RBKS: variants seen among roughly 807,000 people sequenced by gnomAD.
RBKS encodes the protein ribokinase.
In RBKS, 33 loss-of-function variants were observed where a neutral mutation model predicts 33.9. The observed-to-expected ratio is 0.97, with a 90% CI of 0.74 to 1.30. The LOEUF (loss-of-function observed/expected upper bound fraction) is 1.30, where lower values mean the gene tolerates loss of function less well. RBKS is among the 50% of genes most tolerant of loss of function. The pLI is 0.00. For missense variants in RBKS, 361 were observed against 392.6 expected (o/e 0.92, Z 0.68); for synonymous variants, 125 against 143.0 (o/e 0.87, Z 0.90).
In RBKS at chr2:27,781,486, T is replaced by C; in HGVS notation, c.*129A>G. 1.5e-6 allele frequency: 1 copy of C among 685,314 alleles called. No homozygotes were observed. The highest frequency in any genetic ancestry group is 2.4e-6 in the Non-Finnish European group (1 of 420,816). 42.5% of individuals were successfully genotyped at this position (685,314 alleles called of 1,614,324 possible). A position where few individuals can be genotyped will look rare whatever the true frequency, so the allele number is the denominator to read the frequency against. ...TTATAAATAAATTGAAGCTTGAGGA[T>C]GACTTCGTAAAAGAACTAATATTTG... On this transcript the variant is annotated 3_prime_UTR_variant, in exon 8 of 8. Transcript: ENST00000302188.
At chr2:27,789,941 G>GTGTA (rs1558533050) in intron 7 of RBKS, among the ~76,000 whole-genome samples, 4 of 96,518 alleles carry the variant, frequency 4.1e-5, no homozygotes, top group African/African-American at 1.2e-4. Flanking sequence ...ATATATATAT[G>GTGTA]TATATGTGTA....
Position 27,781,905 on chromosome 2 carries a change from C to A in RBKS, c.796-117G>T, listed in dbSNP as rs1255910424. The A allele has an allele frequency of 4.4e-6, 4 of 918,934 alleles. No homozygotes were observed. In the Admixed American group the frequency reaches 1.2e-4, roughly 28 times the overall value. 56.9% of individuals were successfully genotyped at this position (918,934 alleles called of 1,614,324 possible). ...TAGTTTTAGATTTACAGAAAAGGTA[C>A]AAGGATAATACAGAGTTTCCACGTA... On this transcript the variant is annotated intron_variant, in intron 7 of 7. Transcript: ENST00000302188.
chr2:27,818,508 C>T (rs1031743197), intron 7 of RBKS, among the ~76,000 whole-genome samples: 3 of 152,194 alleles, frequency 2.0e-5, no homozygotes, highest in Non-Finnish European at 4.4e-5. Flanking sequence ...GACCGACCAA[C>T]TTAAAAATCA....
intron 7 of RBKS, among the ~76,000 whole-genome samples, chr2:27,801,962 AAATATATATAT>A (rs1354201845): frequency 8.2e-5 from 5 of 61,148 alleles, no homozygotes; most frequent in African/African-American, 3.2e-4. Flanking sequence ...AAAAAAAAAA[AAATATATATAT>A]ATATATATAT....
chr2:27,836,366 G>A (rs1046221991), intron 5 of RBKS, among the ~76,000 whole-genome samples: 1 of 152,148 alleles, frequency 6.6e-6, no homozygotes, highest in African/African-American at 2.4e-5. Flanking sequence ...AACAAGATTG[G>A]CCATGTGCGA....
intron 1 of RBKS, among the ~76,000 whole-genome samples, chr2:27,878,839 G>A (rs1028678630): frequency 6.6e-6 from 1 of 152,202 alleles, no homozygotes; most frequent in Non-Finnish European, 1.5e-5. Flanking sequence ...CTTTTGAGAA[G>A]TGTCTGTTCA....
chr2:27,809,087 A>C lies in RBKS; in HGVS notation c.795+18480T>G, dbSNP rs6722366. ...GGGCACATTAATGCAGCTCAACCAT[A>C]ATGTTCTTTGGCTGAAACTGGCTGT... On this transcript the variant is annotated intron_variant, in intron 7 of 7. Coordinates refer to ENST00000302188, the MANE Select transcript of RBKS (RefSeq NM_022128.3). Among the ~76,000 whole-genome samples the C allele has an allele frequency of 8.6e-3, 1,308 of 152,368 alleles. 15 individuals carry two copies. The highest frequency in any genetic ancestry group is 0.031 in the African/African-American group (1,269 of 41,592).
chr2:27,854,071 A>C (rs747167200), intron 2 of RBKS, among the ~76,000 whole-genome samples: 35 of 152,240 alleles, frequency 2.3e-4, no homozygotes, highest in Non-Finnish European at 2.9e-5. Flanking sequence ...ACTGCTTTTC[A>C]AGCTATCCGT....
At chr2:27,794,348 A>AAT (rs1677598463) in intron 7 of RBKS, among the ~76,000 whole-genome samples, 1 of 145,332 alleles carries the variant, frequency 6.9e-6, no homozygotes, top group Admixed American at 6.9e-5. Context: ...TAATAATAAT[A>AAT]AAGAAATTTT....
intron 1 of RBKS, among the ~76,000 whole-genome samples, chr2:27,862,302 T>C (rs1001475324): frequency 6.6e-6 from 1 of 152,188 alleles, no homozygotes; most frequent in East Asian, 1.9e-4. Context: ...TCCCATGATA[T>C]GTACATGCAT....
At chr2:27,840,252 C>A (rs1353072761) in intron 5 of RBKS, among the ~76,000 whole-genome samples, 1 of 150,898 alleles carries the variant, frequency 6.6e-6, no homozygotes, top group Non-Finnish European at 1.5e-5. Context: ...GATCTCTTGA[C>A]CTCATGATCC....
At chr2:27,826,100 A>T (rs942537063) in intron 7 of RBKS, among the ~76,000 whole-genome samples, 1 of 152,226 alleles carries the variant, frequency 6.6e-6, no homozygotes, top group Non-Finnish European at 1.5e-5. Flanking sequence ...AACACCAAGC[A>T]CACTTTATCA....
At position 27,810,844 on chromosome 2, in the gene RBKS, G is replaced by A. The variant is rs1382470099; in HGVS notation, c.795+16723C>T. Among the ~76,000 whole-genome samples, 1 of 152,080 alleles carries A rather than the reference G, an allele frequency of 6.6e-6. No homozygotes were observed. Among genetic ancestry groups the A allele is most frequent in the Non-Finnish European group, 1.5e-5 (1 of 68,028 alleles). ...GACTGTTCTCCCTGACTCCAGTCTTGTAAACTCCAATTTATTCTTCACACA... is the reference window on the plus strand; with the variant it reads ...GACTGTTCTCCCTGACTCCAGTCTTATAAACTCCAATTTATTCTTCACACA... On this transcript the variant is annotated intron_variant, in intron 7 of 7. Transcript: ENST00000302188. The surrounding 1 kb of genome is among the most constrained non-coding windows in gnomAD (Gnocchi z 4.4).
intron 7 of RBKS, among the ~76,000 whole-genome samples, chr2:27,821,935 C>A (rs186840294): frequency 6.6e-6 from 1 of 152,128 alleles, no homozygotes; most frequent in Non-Finnish European, 1.5e-5. Context: ...TAAGGGACAC[C>A]GAAACATCTT....
At chr2:27,855,247 T>C (rs1282450421) in intron 2 of RBKS, among the ~76,000 whole-genome samples, 2 of 152,230 alleles carry the variant, frequency 1.3e-5, no homozygotes, top group Non-Finnish European at 2.9e-5. Flanking sequence ...TTTGATAGTC[T>C]CATATATGAA....
Position 27,843,228 on chromosome 2 carries a change from T to G in RBKS, c.353A>C (p.Gln118Pro), listed in dbSNP as rs772294372. 6.2e-7 allele frequency: 1 copy of G among 1,600,174 alleles called. No individual in the cohort carries two copies. Among genetic ancestry groups the G allele is most frequent in the East Asian group, 2.2e-5 (1 of 44,460 alleles). ...TASIIVNNEGQNIIVIVAGAN... is the reference protein window; with the variant it reads ...TASIIVNNEGPNIIVIVAGAN... The stretch of plus-strand genomic sequence containing the variant: ...TCCAGCCACTATGACAATGATATTC[T>G]GGCCTATAAAGAAATTCCACCTATT... The change falls in exon 5 of 8, where the codon CAG becomes CCG. Residue 118 changes from glutamine (Q) to proline (P), a missense_variant. Physicochemically the swap from Gln to Pro is moderately conservative, Grantham distance 76. Transcript: ENST00000302188.
chr2:27,812,457 C>A (rs1230146260), intron 7 of RBKS, among the ~76,000 whole-genome samples: 1 of 152,176 alleles, frequency 6.6e-6, no homozygotes, highest in Non-Finnish European at 1.5e-5. Context: ...TTGGAACCAA[C>A]CCAAATGTCC....
intron 7 of RBKS, among the ~76,000 whole-genome samples, chr2:27,818,041 A>T: frequency 6.6e-6 from 1 of 152,178 alleles, no homozygotes; most frequent in East Asian, 1.9e-4. Context: ...CTGGAGTTGC[A>T]TCATGGTGCA....
At chr2:27,834,786 G>A (rs1192994502) in intron 5 of RBKS, among the ~76,000 whole-genome samples, 4 of 152,212 alleles carry the variant, frequency 2.6e-5, no homozygotes, top group South Asian at 2.1e-4. Context: ...AGCTACAAGT[G>A]TGGAACAACA....
Sources: gnomAD v4.1 joint callset for allele counts (sites outside exome capture counted in the v4.1 genomes callset) on GRCh38, gnomAD v4.1.1 for gene constraint, Gnocchi (gnomAD v3.1) non-coding constraint, MANE v1.5 for transcripts, NCBI Gene and HGNC (gene_info 2026-07-23, HGNC 2026-07-21) for gene names.